The following ZBTB46 variants were observed in gnomAD, a reference collection of about 807,000 sequenced individuals.
The protein encoded by ZBTB46 is zinc finger and BTB domain containing 46.
A neutral mutation model predicts 44.1 loss-of-function variants in ZBTB46; 8 were observed. That is an observed-to-expected ratio of 0.18 (90% CI 0.11 to 0.33). ZBTB46 has a LOEUF of 0.33. Among genes scored for constraint, ZBTB46 ranks in the 10% least tolerant of loss-of-function variants. The pLI is 1.00. For missense variants in ZBTB46, 651 were observed against 847.7 expected, an observed-to-expected ratio of 0.77 and a Z score of 2.88; for synonymous variants, 409 against 382.3, an observed-to-expected ratio of 1.07 and a Z score of -0.81.
intron 2 of ZBTB46, among the ~76,000 whole-genome samples, chr20:63,784,494 C>A (rs1217588831): frequency 6.6e-6 from 1 of 152,222 alleles, no homozygotes. Flanking sequence ...ACCGCTTAGG[C>A]ATGTGTGGGG....
rs374993099 is a variant in ZBTB46, at chr20:63,761,029, C to T, written c.1223-8168G>A. Among the ~76,000 whole-genome samples, 4 of 137,510 alleles carry T rather than the reference C, an allele frequency of 2.9e-5. No individual in the cohort carries two copies. In the East Asian group the frequency reaches 8.2e-4, roughly 28 times the overall value. The allele number at this position is 137,510 out of a possible 152,430, so 90.2% of individuals were successfully genotyped here. ...TTTTTTTTTTTTTCAGATGGAGTCTCGTTCTGACATCCAAGCTGGTGTGTG... is the reference window on the plus strand; with the variant it reads ...TTTTTTTTTTTTTCAGATGGAGTCTTGTTCTGACATCCAAGCTGGTGTGTG... On this transcript the variant is annotated intron_variant, in intron 3 of 4. Transcript: ENST00000245663.
chr20:63,771,551 G>A (rs931336446), intron 3 of ZBTB46, among the ~76,000 whole-genome samples: 4 of 152,106 alleles, frequency 2.6e-5, no homozygotes, highest in Non-Finnish European at 4.4e-5. Context: ...GGGTACCGGC[G>A]AGTGGGGCTA....
intron 1 of ZBTB46, among the ~76,000 whole-genome samples, chr20:63,801,942 G>A (rs1372253297): frequency 6.6e-6 from 1 of 152,116 alleles, no homozygotes; most frequent in Admixed American, 6.6e-5. Context: ...CTCAATAAAG[G>A]ATTAGTTTTT....
chr20:63,798,624 A>G (rs73624722), intron 1 of ZBTB46, among the ~76,000 whole-genome samples: 23,859 of 137,852 alleles, frequency 0.17, 2,438 homozygotes, highest in East Asian at 0.46. Context: ...GCAGTGAGCC[A>G]AGATCATGCC....
chr20:63,833,689 C>T (rs1385487256), upstream of ZBTB46, among the ~76,000 whole-genome samples: 2 of 152,200 alleles, frequency 1.3e-5, no homozygotes, highest in South Asian at 2.1e-4. Flanking sequence ...CTCCCCGCTT[C>T]CCCCTCGGCA....
chr20:63,770,380 A>C (rs1370587933), intron 3 of ZBTB46, among the ~76,000 whole-genome samples: 1 of 152,184 alleles, frequency 6.6e-6, no homozygotes. Flanking sequence ...ACTGCTGAAA[A>C]AGGAATAAAA....
In ZBTB46 at chr20:63,767,518, C is replaced by T. The variant is rs139856946; in HGVS notation, c.1222+8160G>A. 4.9e-3 allele frequency among the ~76,000 whole-genome samples: 742 copies of T among 152,362 alleles called. 6 individuals are homozygous for T. The highest frequency in any genetic ancestry group is 6.9e-3 in the Non-Finnish European group (468 of 68,040). On this transcript the variant is annotated intron_variant, in intron 3 of 4. Transcript: ENST00000245663. This position sits in a 1 kb window ranked among gnomAD's most constrained non-coding sequence, Gnocchi z 5.0. ...GGCTGTTCGGTCACCCAGTTCCCCT[C>T]CTGCTCCCACACACTTGAGAGCTCT...
Position 63,790,394 on chromosome 20 carries a change from G to A in ZBTB46, c.364C>T (p.His122Tyr). The A allele has an allele frequency of 6.2e-7, 1 of 1,613,070 alleles. No individual in the cohort carries two copies. The highest frequency in any genetic ancestry group is 8.5e-7 in the Non-Finnish European group (1 of 1,179,966). ...LQMTDIVQACHDFIKAALDIS... is the reference protein window; with the variant it reads ...LQMTDIVQACYDFIKAALDIS... ...TCCAGCGCCGCCTTGATGAAGTCGT[G>A]GCAGGCTTGCACGATGTCCGTCATC... Residue 122 changes from histidine to tyrosine, a missense_variant, in exon 2 of 5, where the codon CAC becomes TAC. This residue lies in a region of ZBTB46 where 385 missense variants were observed against 423.3 expected (regional missense o/e 0.91). Coordinates refer to ENST00000245663, the MANE Select transcript of ZBTB46 (RefSeq NM_001369741.1).
chr20:63,747,347 G>GGGT (rs2092104602), intron 4 of ZBTB46, 46 bp from the exon 5 acceptor site: 3 of 1,338,742 alleles, frequency 2.2e-6, no homozygotes, highest in African/African-American at 1.8e-5. Context: ...TGGGTTGGGG[G>GGGT]GCGGGGCAGG....
At chr20:63,831,498 C>T (rs1208531402), upstream of ZBTB46, among the ~76,000 whole-genome samples, 1 of 146,616 alleles carries the variant, frequency 6.8e-6, no homozygotes, top group Non-Finnish European at 1.5e-5. Context: ...GCCGGGGGTC[C>T]GTTCTCCCCC....
In ZBTB46 at chr20:63,821,646, C is replaced by T. The variant is rs77739857; in HGVS notation, c.-34+9451G>A. On this transcript the variant is annotated intron_variant, in intron 1 of 4. Coordinates refer to ENST00000245663, the MANE Select transcript of ZBTB46 (RefSeq NM_001369741.1). ...TATTTTTAGTATAAATGGGGTTTCACCATGTCAGCCAGGCTAGTCTCAAAC... is the reference window on the plus strand; with the variant it reads ...TATTTTTAGTATAAATGGGGTTTCATCATGTCAGCCAGGCTAGTCTCAAAC... 1.5e-3 allele frequency among the ~76,000 whole-genome samples: 228 copies of T among 152,044 alleles called. 4 individuals carry two copies. In the East Asian group the frequency reaches 0.037, roughly 24 times the overall value.
chr20:63,828,240 C>G (rs1472420448), intron 1 of ZBTB46, among the ~76,000 whole-genome samples: 1 of 152,248 alleles, frequency 6.6e-6, no homozygotes, highest in East Asian at 1.9e-4. Context: ...AACAGAAAAG[C>G]AGGAAAATCC....
At chr20:63,829,557 C>T (rs2092837035) in intron 1 of ZBTB46, among the ~76,000 whole-genome samples, 1 of 152,220 alleles carries the variant, frequency 6.6e-6, no homozygotes, top group African/African-American at 2.4e-5. Flanking sequence ...AAGTTCCCAC[C>T]TAAATTTGCA....
At chr20:63,766,716 C>T (rs1166759528) in intron 3 of ZBTB46, among the ~76,000 whole-genome samples, 2 of 152,164 alleles carry the variant, frequency 1.3e-5, no homozygotes, top group South Asian at 2.1e-4. Context: ...ACTAGAAATC[C>T]CACTTTTCTC....
intron 1 of ZBTB46, among the ~76,000 whole-genome samples, chr20:63,809,931 C>T (rs1044565360): frequency 6.6e-6 from 1 of 150,802 alleles, no homozygotes; most frequent in Non-Finnish European, 1.5e-5. Context: ...CACTGTACTC[C>T]GGCATGGGTG....
At chr20:63,770,973 A>G (rs6011102) in intron 3 of ZBTB46, among the ~76,000 whole-genome samples, 6,236 of 92,756 alleles carry the variant, frequency 0.067, 430 homozygotes, top group African/African-American at 0.11. Flanking sequence ...CCGGCACAGC[A>G]GCCACGCCGC....
chr20:63,773,791 C>G (rs886453229), intron 3 of ZBTB46, among the ~76,000 whole-genome samples: 1 of 152,190 alleles, frequency 6.6e-6, no homozygotes, highest in Non-Finnish European at 1.5e-5. Context: ...CTGACGCCCA[C>G]GAAACGTGCC....
At chr20:63,755,361 T>A (rs1601398352) in intron 3 of ZBTB46, among the ~76,000 whole-genome samples, 1 of 152,022 alleles carries the variant, frequency 6.6e-6, no homozygotes. Flanking sequence ...CCGGGGAGGG[T>A]CCCTCCGGCC....
At position 63,755,225 on chromosome 20, in the gene ZBTB46, G is replaced by A. The variant is rs530415936; in HGVS notation, c.1223-2364C>T. 1.5e-3 allele frequency among the ~76,000 whole-genome samples: 235 copies of A among 152,284 alleles called. 3 individuals carry two copies. The highest frequency in any genetic ancestry group is 3.5e-4 in the Non-Finnish European group (24 of 68,036). On this transcript the variant is annotated intron_variant, in intron 3 of 4. Coordinates refer to ENST00000245663, the MANE Select transcript of ZBTB46 (RefSeq NM_001369741.1). ...GCTTCTTCTTAATGCTCTGTTTTCC[G>A]GTCACTACCATAACACAGCACCACA...
Sources: gnomAD v4.1 joint callset for allele counts (sites outside exome capture counted in the v4.1 genomes callset) on GRCh38, gnomAD v4.1.1 for gene constraint, gnomAD v4.1.1 regional missense constraint, Gnocchi (gnomAD v3.1) non-coding constraint, MANE v1.5 for transcripts, NCBI Gene and HGNC (gene_info 2026-07-23, HGNC 2026-07-21) for gene names.